C13orf42: variants seen among roughly 807,000 people sequenced by gnomAD.
The protein encoded by C13orf42 is uncharacterized protein C13orf42.
chr13:51,141,439 T>G (rs891475136), intron 1 of C13orf42, among the ~76,000 whole-genome samples: 2 of 152,104 alleles, frequency 1.3e-5, no homozygotes, highest in African/African-American at 4.8e-5. Context: ...TTATATGTAT[T>G]TATGTGTTGG....
At chr13:51,143,180 C>A (rs1953708785) in intron 1 of C13orf42, among the ~76,000 whole-genome samples, 1 of 152,132 alleles carries the variant, frequency 6.6e-6, no homozygotes, top group African/African-American at 2.4e-5. Flanking sequence ...GCAATTAAAG[C>A]CTCATCTTCA....
intron 3 of C13orf42, 28 bp downstream of exon 3, chr13:51,085,291 G>T: frequency 2.5e-6 from 1 of 397,756 alleles, no homozygotes; most frequent in South Asian, 1.3e-4. Flanking sequence ...AGAACATCTT[G>T]GTCATGCTAT....
intron 1 of C13orf42, among the ~76,000 whole-genome samples, chr13:51,133,395 G>T (rs1377551349): frequency 6.6e-6 from 1 of 152,180 alleles, no homozygotes; most frequent in African/African-American, 2.4e-5. Flanking sequence ...GAGGTGGGAA[G>T]TGATGTTTGC....
rs1953092633 is a variant in C13orf42 at position 51,083,990 on chromosome 13, A to G, written c.*161T>C. The G allele has an allele frequency of 5.1e-6, 2 of 391,950 alleles. No individual in the cohort carries two copies. The highest frequency in any genetic ancestry group is 8.9e-5 in the Admixed American group (2 of 22,506). 24.3% of individuals were successfully genotyped at this position (391,950 alleles called of 1,614,324 possible). A position where few individuals can be genotyped will look rare whatever the true frequency, so the allele number is the denominator to read the frequency against. ...TGAGACCTGTCCCCTGGGAAGCCAC[A>G]GGTCTGTTTGGCACTGGCACGGCAC... On this transcript the variant is annotated 3_prime_UTR_variant, in exon 4 of 4. Transcript: ENST00000563710.
chr13:51,122,491 G>A (rs1173163265), intron 1 of C13orf42, among the ~76,000 whole-genome samples: 5 of 148,374 alleles, frequency 3.4e-5, no homozygotes, highest in African/African-American at 1.0e-4. Flanking sequence ...CCAAGATTGC[G>A]CCACTGCACT....
At chr13:51,091,996 C>G (rs1376727307) in intron 1 of C13orf42, among the ~76,000 whole-genome samples, 1 of 152,162 alleles carries the variant, frequency 6.6e-6, no homozygotes, top group Non-Finnish European at 1.5e-5. Context: ...CCATCCATCC[C>G]CTGCTGCTCT....
chr13:51,089,354 GCT>G (rs1478202690), intron 1 of C13orf42, among the ~76,000 whole-genome samples: 2 of 152,068 alleles, frequency 1.3e-5, no homozygotes, highest in African/African-American at 4.8e-5. Context: ...ATATGATTTG[GCT>G]CTGTGTCCCT....
chr13:51,170,843 G>A (rs1051135690), intron 1 of C13orf42, among the ~76,000 whole-genome samples: 4 of 152,006 alleles, frequency 2.6e-5, no homozygotes, highest in Admixed American at 6.5e-5. Flanking sequence ...GGCAAGTCCC[G>A]CTTTCCTGGA....
intron 1 of C13orf42, among the ~76,000 whole-genome samples, chr13:51,144,515 A>AAGATTTCTCCAGAATTGGAAACTAC (rs1555268289): frequency 2.0e-5 from 3 of 152,312 alleles, no homozygotes; most frequent in Non-Finnish European, 2.9e-5. Context: ...ATCTGTTTTC[A>AAGATTTCTCCAGAATTGGAAACTAC]TTTGTAACAG....
At chr13:51,159,779 G>A (rs1171252022) in intron 1 of C13orf42, among the ~76,000 whole-genome samples, 2 of 151,474 alleles carry the variant, frequency 1.3e-5, no homozygotes, top group African/African-American at 4.8e-5. Context: ...GAAGTGTCTC[G>A]TTTCTGGCAA....
chr13:51,124,211 C>T (rs9596461), intron 1 of C13orf42, among the ~76,000 whole-genome samples: 7,506 of 152,182 alleles, frequency 0.049, 379 homozygotes, highest in African/African-American at 0.12. Flanking sequence ...ATTTCATCCC[C>T]GGGCCAACCA....
chr13:51,114,645 T>C (rs9568521), upstream of C13orf42, among the ~76,000 whole-genome samples: 1 of 120,456 alleles, frequency 8.3e-6, no homozygotes. Context: ...GATAGATAGA[T>C]AGAGATAGAC....
intron 1 of C13orf42, among the ~76,000 whole-genome samples, chr13:51,170,970 G>A (rs1383179929): frequency 6.6e-6 from 1 of 150,948 alleles, no homozygotes; most frequent in African/African-American, 2.5e-5. Flanking sequence ...TTATCTCTGT[G>A]CCCCAATCCC....
intron 1 of C13orf42, among the ~76,000 whole-genome samples, chr13:51,127,405 T>G (rs1010451534): frequency 6.6e-6 from 1 of 152,204 alleles, no homozygotes; most frequent in Non-Finnish European, 1.5e-5. Context: ...AACTTGTCCA[T>G]AGCCATACAG....
intron 1 of C13orf42, among the ~76,000 whole-genome samples, chr13:51,134,151 A>G (rs1439305811): frequency 6.6e-6 from 1 of 152,108 alleles, no homozygotes; most frequent in Non-Finnish European, 1.5e-5. Flanking sequence ...CAGGACCAAA[A>G]ATAGCAGCAA....
chr13:51,140,462 C>A (rs1255963184), intron 1 of C13orf42, among the ~76,000 whole-genome samples: 3 of 152,128 alleles, frequency 2.0e-5, no homozygotes, highest in African/African-American at 4.8e-5. Context: ...ATTTTGGTAA[C>A]CATGGGGGGA....
chr13:51,084,366 G>A (rs1953099128), intron 3 of C13orf42, 41 bp from the exon 4 acceptor site: 2 of 398,512 alleles, frequency 5.0e-6, no homozygotes, highest in Admixed American at 8.8e-5. Flanking sequence ...AGTTCGGCTT[G>A]GCCGGCCACA....
chr13:51,118,263 G>A (rs192362139), intron 1 of C13orf42, among the ~76,000 whole-genome samples: 1,909 of 149,904 alleles, frequency 0.013, 26 homozygotes, highest in African/African-American at 0.041. Context: ...GTGACATTGA[G>A]GGAAAAACAA....
At chr13:51,084,941 G>A (rs1321212903) in intron 3 of C13orf42, among the ~76,000 whole-genome samples, 1 of 152,148 alleles carries the variant, frequency 6.6e-6, no homozygotes, top group Non-Finnish European at 1.5e-5. Context: ...TTTGATGTTG[G>A]TTTCCTCTTG....
Sources: allele counts gnomAD v4.1 joint callset (sites outside exome capture counted in the v4.1 genomes callset), GRCh38; gene constraint gnomAD v4.1.1; transcripts MANE v1.5; gene names NCBI Gene and HGNC (gene_info 2026-07-23, HGNC 2026-07-21).